Variants in CASZ1 observed in about 807,000 individuals in gnomAD.
CASZ1 encodes the protein castor zinc finger 1.
A neutral mutation model predicts 135.2 loss-of-function variants in CASZ1; 28 were observed. That is an observed-to-expected ratio of 0.21 (90% confidence interval 0.15 to 0.28). The LOEUF is 0.28. CASZ1 is among the 10% of genes least tolerant of loss of function. CASZ1 has a pLI of 1.00. For missense variants in CASZ1, 2,161 were observed against 2,453.3 expected, an observed-to-expected ratio of 0.88 and a Z score of 2.52; for synonymous variants, 1,068 against 1,073.4, an observed-to-expected ratio of 0.99 and a Z score of 0.10.
chr1:10,649,448 C>T lies in CASZ1; in HGVS notation c.2881-11G>A. ...GTTGCCCTGAGACATCTGTGAGGGA[C>T]AGAGGCCGAGCATGGGGCTGGGGTA... On this transcript the variant is annotated splice_polypyrimidine_tract_variant and intron_variant, in intron 13 of 20. Coordinates refer to ENST00000377022, the MANE Select transcript of CASZ1 (RefSeq NM_001079843.3). 1 of 1,600,538 alleles carries T rather than the reference C, an allele frequency of 6.2e-7. No individual in the cohort carries two copies. The highest frequency in any genetic ancestry group is 8.5e-7 in the Non-Finnish European group (1 of 1,172,010).
chr1:10,749,029 C>A (rs1339308684), intron 2 of CASZ1, among the ~76,000 whole-genome samples: 1 of 152,150 alleles, frequency 6.6e-6, no homozygotes, highest in Admixed American at 6.5e-5. Context: ...AGGAGCCCTG[C>A]GGCTGCTGCG....
rs1553138511 is a variant in CASZ1 at position 10,741,790 on chromosome 1, T to TTATATTTTTTTATATA, written c.-77+18910_-77+18911insTATATAAAAAAATATA. 6.6e-6 allele frequency among the ~76,000 whole-genome samples: 1 copy of TTATATTTTTTTATATA among 151,170 alleles called. No homozygotes were observed. The highest frequency in any genetic ancestry group is 1.9e-4 in the East Asian group (1 of 5,166). On this transcript the variant is annotated intron_variant, in intron 2 of 20. Transcript: ENST00000377022. The surrounding 1 kb of genome is among the most constrained non-coding windows in gnomAD (Gnocchi z 5.0). ...CTTTACAAACGACTTTTATACATATTTATATATATATATAGTTATATATTA... is the reference window on the plus strand; with the variant it reads ...CTTTACAAACGACTTTTATACATATTTATATTTTTTTATATATATATATATATATAGTTATATATTA...
At chr1:10,789,311 T>C (rs531198498) in intron 1 of CASZ1, among the ~76,000 whole-genome samples, 1 of 133,540 alleles carries the variant, frequency 7.5e-6, no homozygotes, top group Non-Finnish European at 1.6e-5. Context: ...CCAGGCCTCC[T>C]GCTGAGCCTC....
chr1:10,637,042 A>G lies in CASZ1; in HGVS notation c.*1900T>C, dbSNP rs1236848190. Reference sequence around the variant, plus strand: ...CGTTAAAATTCAAAATGAGCTAGCAATGGCTTATAGTCCTAGTGTGCAATA... The same window carrying G: ...CGTTAAAATTCAAAATGAGCTAGCAGTGGCTTATAGTCCTAGTGTGCAATA... On this transcript the variant is annotated 3_prime_UTR_variant, in exon 21 of 21. Coordinates refer to ENST00000377022, the MANE Select transcript of CASZ1 (RefSeq NM_001079843.3). The G allele has an allele frequency of 6.6e-6, 1 of 152,506 alleles. No individual in the cohort carries two copies. The highest frequency in any genetic ancestry group is 2.4e-5 in the African/African-American group (1 of 41,442). The allele number at this position is 152,506 out of a possible 1,614,324, so 9.4% of individuals were successfully genotyped here. A position where few individuals can be genotyped will look rare whatever the true frequency, so the allele number is the denominator to read the frequency against.
intron 2 of CASZ1, among the ~76,000 whole-genome samples, chr1:10,734,747 G>GT (rs1442187909): frequency 6.6e-6 from 1 of 152,190 alleles, no homozygotes; most frequent in Non-Finnish European, 1.5e-5. Flanking sequence ...AGGCAATGTG[G>GT]TTTTCTCTCT....
At chr1:10,779,279 ATTT>A (rs386366223) in intron 1 of CASZ1, among the ~76,000 whole-genome samples, 78 of 125,226 alleles carry the variant, frequency 6.2e-4, no homozygotes, top group South Asian at 4.5e-3. Context: ...TAATTTTATA[ATTT>A]TTTTTTTTTT....
chr1:10,686,804 G>A (rs1490233688), intron 4 of CASZ1, among the ~76,000 whole-genome samples: 3 of 152,298 alleles, frequency 2.0e-5, no homozygotes, highest in South Asian at 2.1e-4. Context: ...GGGACGCTAG[G>A]CTGCCCCTCC....
intron 2 of CASZ1, among the ~76,000 whole-genome samples, chr1:10,712,104 G>C (rs577201637): frequency 2.6e-4 from 39 of 152,242 alleles, no homozygotes; most frequent in African/African-American, 8.2e-4. Context: ...CCAGCACTTC[G>C]GGAGACCAAG....
chr1:10,731,543 C>G (rs1042206634), intron 2 of CASZ1, among the ~76,000 whole-genome samples: 2 of 152,268 alleles, frequency 1.3e-5, no homozygotes, highest in African/African-American at 4.8e-5. Flanking sequence ...CTGATTGCGC[C>G]ACTGAACTCC....
chr1:10,728,620 C>T (rs1285753721), intron 2 of CASZ1, among the ~76,000 whole-genome samples: 2 of 151,830 alleles, frequency 1.3e-5, no homozygotes, highest in Admixed American at 1.3e-4. Flanking sequence ...TTTTTTATTT[C>T]CCCCTCTTGG....
At chr1:10,761,858 C>T (rs1640382419) in intron 1 of CASZ1, among the ~76,000 whole-genome samples, 2 of 152,184 alleles carry the variant, frequency 1.3e-5, no homozygotes, top group East Asian at 1.9e-4. Flanking sequence ...GTGCTCGGTC[C>T]GCTCTCCTGC....
At position 10,654,582 on chromosome 1, in the gene CASZ1, T is replaced by C; in HGVS notation, c.1675A>G (p.Asn559Asp). 5 of 1,614,158 alleles carry C rather than the reference T, an allele frequency of 3.1e-6. No individual in the cohort carries two copies. Among genetic ancestry groups the C allele is most frequent in the Non-Finnish European group, 4.2e-6 (5 of 1,179,992 alleles). ...TCAGACGTGCTCGTGTACACCTTGT[T>C]ACAGCCCACCTGCACAGGACGGGAT... ...THYHCMQVGC[N>D]KVYTSTSDVM... The change falls in exon 10 of 21, where the codon AAC becomes GAC. Residue 559 changes from asparagine to aspartate, a missense_variant. This residue lies in a region of CASZ1 where 248 missense variants were observed against 410.8 expected (regional missense o/e 0.60). Transcript: ENST00000377022.
chr1:10,774,326 T>C lies in CASZ1; in HGVS notation c.-233-13469A>G, dbSNP rs1306289466. Among the ~76,000 whole-genome samples the C allele has an allele frequency of 6.6e-6, 1 of 152,160 alleles. No homozygotes were observed. The highest frequency in any genetic ancestry group is 1.5e-5 in the Non-Finnish European group (1 of 68,008). On this transcript the variant is annotated intron_variant, in intron 1 of 20. Coordinates refer to ENST00000377022, the MANE Select transcript of CASZ1 (RefSeq NM_001079843.3). The surrounding 1 kb of genome is among the most constrained non-coding windows in gnomAD (Gnocchi z 4.4). ...CCTTTTAAATGTTCTCAACTCTGAC[T>C]GCTTTCGGCAGCACACTGTCAAATC...
At position 10,739,518 on chromosome 1, in the gene CASZ1, C is replaced by A. The variant is rs1256182464; in HGVS notation, c.-77+21183G>T. Among the ~76,000 whole-genome samples the A allele has an allele frequency of 1.3e-5, 2 of 152,172 alleles. No homozygotes were observed. Among genetic ancestry groups the A allele is most frequent in the African/African-American group, 2.4e-5 (1 of 41,422 alleles). On this transcript the variant is annotated intron_variant, in intron 2 of 20. Transcript: ENST00000377022. The surrounding 1 kb of genome is among the most constrained non-coding windows in gnomAD (Gnocchi z 4.8). ...AGCTGCGCCCACTCAGGCTTCCAGA[C>A]CTTTCCCTGAGCCCTCCGCCCCCCG...
chr1:10,647,398 G>A lies in CASZ1; in HGVS notation c.3497+403C>T, dbSNP rs969150632. The A allele has an allele frequency of 7.4e-6, 8 of 1,080,178 alleles. No homozygotes were observed. Among genetic ancestry groups the A allele is most frequent in the East Asian group, 1.6e-4 (2 of 12,376 alleles). The allele number at this position is 1,080,178 out of a possible 1,614,324, so 66.9% of individuals were successfully genotyped here. ...GCCTGGCCCCTACCCGTGACTTCAC[G>A]TGCCCTGCAGAGATTCAGCCATGGG... is the stretch of plus-strand genomic sequence containing the variant. On this transcript the variant is annotated intron_variant, in intron 16 of 20. Coordinates refer to ENST00000377022, the MANE Select transcript of CASZ1 (RefSeq NM_001079843.3). The surrounding 1 kb of genome is among the most constrained non-coding windows in gnomAD (Gnocchi z 4.9).
intron 2 of CASZ1, among the ~76,000 whole-genome samples, chr1:10,745,161 C>T (rs1640015869): frequency 6.6e-6 from 1 of 152,086 alleles, no homozygotes; most frequent in Admixed American, 6.5e-5. Flanking sequence ...ACCCTCTGCC[C>T]CAAGGAAACA....
chr1:10,703,863 G>A (rs1472481192), intron 3 of CASZ1, among the ~76,000 whole-genome samples: 1 of 152,204 alleles, frequency 6.6e-6, no homozygotes, highest in Non-Finnish European at 1.5e-5. Flanking sequence ...TGAATAAATA[G>A]GCATGGCTGT....
In CASZ1 at chr1:10,649,427, C is replaced by T; in HGVS notation, c.2891G>A (p.Gly964Asp). 3 of 1,609,074 alleles carry T rather than the reference C, an allele frequency of 1.9e-6. No homozygotes were observed. Among genetic ancestry groups the T allele is most frequent in the East Asian group, 2.2e-5 (1 of 44,774 alleles). The change falls in exon 14 of 21, where the codon GGC (glycine) becomes GAC (aspartate). Residue 964 changes from glycine (G) to aspartate (D), a missense_variant. Physicochemically the swap from Gly to Asp is moderately conservative, Grantham distance 94 (BLOSUM62 -1). Transcript: ENST00000377022. ...LSSLMNKMSQ[G>D]NPGLGSLLNI... ...CAGCAGGCTGCCCAGGCCAGGGTTGCCCTGAGACATCTGTGAGGGACAGAG... is the reference window on the plus strand; with the variant it reads ...CAGCAGGCTGCCCAGGCCAGGGTTGTCCTGAGACATCTGTGAGGGACAGAG...
chr1:10,644,782 T>A, intron 18 of CASZ1, 135 bp downstream of exon 18: 1 of 887,958 alleles, frequency 1.1e-6, no homozygotes, highest in Non-Finnish European at 1.7e-6. Context: ...CCGTGATATC[T>A]GGGACACCTT....
Sources: gnomAD v4.1 joint callset for allele counts (sites outside exome capture counted in the v4.1 genomes callset) on GRCh38, gnomAD v4.1.1 for gene constraint, gnomAD v4.1.1 regional missense constraint, Gnocchi (gnomAD v3.1) non-coding constraint, MANE v1.5 for transcripts, NCBI Gene and HGNC (gene_info 2026-07-23, HGNC 2026-07-21) for gene names.